The following ADAMTS17 variants were observed in gnomAD, a reference collection of about 807,000 sequenced individuals.
The protein encoded by ADAMTS17 is A disintegrin and metalloproteinase with thrombospondin motifs 17.
ADAMTS17 carries 113 observed loss-of-function variants against 141.5 expected under a neutral mutation model. That is an observed-to-expected ratio of 0.80 (90% CI 0.69 to 0.93). The LOEUF (loss-of-function observed/expected upper bound fraction) is 0.93, where lower values mean the gene tolerates loss of function less well. ADAMTS17 is among the 40% of genes least tolerant of loss of function. The probability of loss-of-function intolerance (pLI) is 0.00; values close to 1 mark genes in which losing one functional copy is unlikely to be tolerated. For synonymous variants in ADAMTS17, 768 were observed against 630.6 expected (o/e 1.22, Z -3.27); for missense variants, 1,659 against 1,517.9 (o/e 1.09, Z -1.54).
At chr15:100,118,314 C>T (rs2037267960) in intron 12 of ADAMTS17, among the ~76,000 whole-genome samples, 1 of 152,240 alleles carries the variant, frequency 6.6e-6, no homozygotes, top group Non-Finnish European at 1.5e-5. Context: ...TTACTTTTGC[C>T]AACTCCTGGT....
rs12911140 is a variant in ADAMTS17 at position 100,067,011 on chromosome 15, G to A, written c.2138-12957C>T. 5.4e-3 allele frequency among the ~76,000 whole-genome samples: 565 copies of A among 104,394 alleles called. 5 individuals carry two copies. Among genetic ancestry groups the A allele is most frequent in the Middle Eastern group, 0.015 (3 of 194 alleles). 68.5% of individuals were successfully genotyped at this position (104,394 alleles called of 152,430 possible). Reference sequence around the variant, plus strand: ...GCTGTCTTCCCTTATGATATTGAGAGGGCAGCCATCCTTCTAAGTGTCGTT... The same window carrying A: ...GCTGTCTTCCCTTATGATATTGAGAAGGCAGCCATCCTTCTAAGTGTCGTT... On this transcript the variant is annotated intron_variant, in intron 15 of 21. Transcript: ENST00000268070.
intron 15 of ADAMTS17, among the ~76,000 whole-genome samples, chr15:100,080,982 T>C (rs946169542): frequency 1.4e-4 from 21 of 152,182 alleles, no homozygotes; most frequent in Admixed American, 1.3e-3. Flanking sequence ...TGATGGTTGA[T>C]ACTGAGTGTC....
intron 7 of ADAMTS17, among the ~76,000 whole-genome samples, chr15:100,245,478 T>G (rs890204790): frequency 1.3e-5 from 2 of 152,214 alleles, no homozygotes; most frequent in Non-Finnish European, 2.9e-5. Context: ...TCTGTCTAGT[T>G]CCAAAGTAAA....
chr15:100,012,492 T>C (rs1244665849), intron 18 of ADAMTS17, among the ~76,000 whole-genome samples: 2 of 152,228 alleles, frequency 1.3e-5, no homozygotes, highest in Non-Finnish European at 2.9e-5. Context: ...TCCAACGTTA[T>C]CTTCTAGAAT....
At chr15:100,032,580 C>T (rs374266341) in intron 18 of ADAMTS17, among the ~76,000 whole-genome samples, 3 of 152,184 alleles carry the variant, frequency 2.0e-5, no homozygotes, top group African/African-American at 4.8e-5. Context: ...AATGCCACTA[C>T]AGTACTGTCT....
intron 18 of ADAMTS17, among the ~76,000 whole-genome samples, chr15:100,036,779 C>T (rs1326879086): frequency 6.6e-6 from 1 of 152,184 alleles, no homozygotes; most frequent in Admixed American, 6.5e-5. Context: ...ACCCATCTAC[C>T]TTCCATCTCT....
intron 10 of ADAMTS17, among the ~76,000 whole-genome samples, chr15:100,137,377 G>A (rs1330424074): frequency 2.0e-5 from 3 of 152,116 alleles, no homozygotes; most frequent in African/African-American, 4.8e-5. Context: ...AAATATAACA[G>A]ATAAAATGTG....
chr15:100,047,223 C>A (rs552625963), intron 18 of ADAMTS17, among the ~76,000 whole-genome samples: 4 of 142,692 alleles, frequency 2.8e-5, no homozygotes, highest in African/African-American at 1.1e-4. Context: ...AACCCTATCT[C>A]CTGATAAGAC....
chr15:100,241,896 C>G (rs1212437020), intron 7 of ADAMTS17, among the ~76,000 whole-genome samples: 1 of 152,186 alleles, frequency 6.6e-6, no homozygotes, highest in African/African-American at 2.4e-5. Context: ...AACTGAAGTC[C>G]TAAATAGTAG....
chr15:100,028,420 G>C (rs556424492), intron 18 of ADAMTS17, among the ~76,000 whole-genome samples: 1 of 152,312 alleles, frequency 6.6e-6, no homozygotes, highest in East Asian at 1.9e-4. Flanking sequence ...TGATTTCTCA[G>C]AACCAGTCAG....
At chr15:100,096,074 G>T (rs113474665) in intron 15 of ADAMTS17, among the ~76,000 whole-genome samples, 1 of 152,370 alleles carries the variant, frequency 6.6e-6, no homozygotes, top group Admixed American at 6.5e-5. Flanking sequence ...GCCAGGAAGT[G>T]CTGAGCTCCT....
chr15:100,035,840 C>T (rs1380404948), intron 18 of ADAMTS17, among the ~76,000 whole-genome samples: 1 of 152,038 alleles, frequency 6.6e-6, no homozygotes, highest in Non-Finnish European at 1.5e-5. Flanking sequence ...AAAGAAATAA[C>T]CTAGAAAATG....
At chr15:99,984,970 G>A (rs2060555676) in intron 20 of ADAMTS17, among the ~76,000 whole-genome samples, 1 of 152,228 alleles carries the variant, frequency 6.6e-6, no homozygotes, top group Admixed American at 6.5e-5. Context: ...TGGAGGCACT[G>A]GCCTTTGGAC....
chr15:100,280,683 T>G lies in ADAMTS17; in HGVS notation c.789+546A>C, dbSNP rs559494051. Among the ~76,000 whole-genome samples the G allele has an allele frequency of 7.9e-5, 12 of 152,222 alleles. No individual in the cohort carries two copies. The South Asian group carries it at 2.5e-3, about 32-fold the overall frequency. On this transcript the variant is annotated intron_variant, in intron 4 of 21. Coordinates refer to ENST00000268070, the MANE Select transcript of ADAMTS17 (RefSeq NM_139057.4). ...GGGAAAATGAATGGGTGGGTAAAGC[T>G]AGGATGCCCTTGAAGGTCCTTCAGT... is the stretch of plus-strand genomic sequence containing the variant.
intron 8 of ADAMTS17, among the ~76,000 whole-genome samples, chr15:100,179,491 G>A (rs1056470105): frequency 1.3e-5 from 2 of 152,108 alleles, no homozygotes; most frequent in African/African-American, 4.8e-5. Context: ...ATTGTGACTA[G>A]TGCTACAATA....
chr15:100,200,965 T>G (rs1355053079), intron 7 of ADAMTS17, among the ~76,000 whole-genome samples: 1 of 152,204 alleles, frequency 6.6e-6, no homozygotes, highest in African/African-American at 2.4e-5. Context: ...GCTCCTTCCA[T>G]GAACTTGCCT....
At chr15:100,099,772 G>A (rs963120621) in intron 14 of ADAMTS17, among the ~76,000 whole-genome samples, 11 of 27,648 alleles carry the variant, frequency 4.0e-4, no homozygotes, top group Admixed American at 3.7e-3. Context: ...GGATGGAACG[G>A]GGGGAAAAGC....
At chr15:100,139,442 C>A (rs2038512893) in intron 10 of ADAMTS17, among the ~76,000 whole-genome samples, 1 of 152,144 alleles carries the variant, frequency 6.6e-6, no homozygotes. Context: ...TGCCCCCGAG[C>A]TATAGGGGGC....
rs146819375 is a variant in ADAMTS17, at chr15:100,213,001, A to G, written c.1076-13578T>C. On this transcript the variant is annotated intron_variant, in intron 7 of 21. Coordinates refer to ENST00000268070, the MANE Select transcript of ADAMTS17 (RefSeq NM_139057.4). ...CTGTAATTGTAAATAATATAAAAAA[A>G]GAAGAAAAACAGCTGAGGGATATGC... Among the ~76,000 whole-genome samples the G allele has an allele frequency of 2.0e-3, 302 of 152,290 alleles. 1 individual carries two copies. The highest frequency in any genetic ancestry group is 6.5e-3 in the African/African-American group (268 of 41,546).
Sources: allele counts gnomAD v4.1 joint callset (sites outside exome capture counted in the v4.1 genomes callset), GRCh38; gene constraint gnomAD v4.1.1; transcripts MANE v1.5; gene names NCBI Gene and HGNC (gene_info 2026-07-23, HGNC 2026-07-21).